C10orf67: variants seen among roughly 807,000 people sequenced by gnomAD.
C10orf67 encodes the protein uncharacterized protein C10orf67, mitochondrial.
In C10orf67, 60 loss-of-function variants were observed where a neutral mutation model predicts 35.6. The observed-to-expected ratio is 1.68, with a 90% CI of 1.37 to 2.09. C10orf67 has a LOEUF of 2.09. Among genes scored for constraint, C10orf67 ranks in the 30% most tolerant of loss-of-function variants. The pLI, the probability that C10orf67 is intolerant of heterozygous loss-of-function variation, is 0.00. For synonymous variants in C10orf67, 167 were observed against 115.8 expected (o/e 1.44, Z -2.84); for missense variants, 474 against 330.2 (o/e 1.44, Z -3.38).
Position 23,224,518 on chromosome 10 carries a change from G to C in C10orf67, c.1435-700C>G, listed in dbSNP as rs574960711. On this transcript the variant is annotated intron_variant, in intron 13 of 15. Transcript: ENST00000636213. ...AGCTCCTCGCCAGCAATGGAACAAA[G>C]CGGGACGGAGAATGACTTTGACGAG... 6.6e-5 allele frequency among the ~76,000 whole-genome samples: 10 copies of C among 152,350 alleles called. 1 individual carries two copies. Among genetic ancestry groups the C allele is most frequent in the African/African-American group, 2.4e-4 (10 of 41,582 alleles).
At chr10:23,281,297 G>A (rs922007054) in intron 8 of C10orf67, among the ~76,000 whole-genome samples, 1 of 152,206 alleles carries the variant, frequency 6.6e-6, no homozygotes, top group Non-Finnish European at 1.5e-5. Flanking sequence ...GTAAAAAAGC[G>A]AATGTTTCAA....
intron 6 of C10orf67, among the ~76,000 whole-genome samples, chr10:23,290,471 A>T (rs911316337): frequency 6.6e-6 from 1 of 152,244 alleles, no homozygotes; most frequent in Admixed American, 6.5e-5. Flanking sequence ...TAAGGACAAC[A>T]TCATGTAATT....
chr10:23,282,638 C>T (rs1843401819), intron 7 of C10orf67, among the ~76,000 whole-genome samples: 2 of 152,032 alleles, frequency 1.3e-5, no homozygotes, highest in Non-Finnish European at 2.9e-5. Flanking sequence ...CAAGACCAGC[C>T]TGACCCACAT....
At chr10:23,213,488 C>T (rs72802160) in intron 15 of C10orf67, among the ~76,000 whole-genome samples, 1 of 151,870 alleles carries the variant, frequency 6.6e-6, no homozygotes, top group Non-Finnish European at 1.5e-5. Flanking sequence ...AGAGGCTCAA[C>T]GGTGGTGATA....
intron 5 of C10orf67, among the ~76,000 whole-genome samples, chr10:23,291,688 G>A (rs1843724237): frequency 6.6e-6 from 1 of 152,196 alleles, no homozygotes; most frequent in Non-Finnish European, 1.5e-5. Context: ...GGGTGGCAGA[G>A]TGCATGGCTA....
At chr10:23,273,879 T>C (rs1412818039) in intron 8 of C10orf67, among the ~76,000 whole-genome samples, 1 of 152,252 alleles carries the variant, frequency 6.6e-6, no homozygotes, top group African/African-American at 2.4e-5. Flanking sequence ...GTTTTTACTC[T>C]GTATTGTTTC....
chr10:23,231,556 A>G (rs1588596493), intron 13 of C10orf67, among the ~76,000 whole-genome samples: 1 of 152,098 alleles, frequency 6.6e-6, no homozygotes, highest in African/African-American at 2.4e-5. Context: ...CCTTCCATCT[A>G]TTTAAGTCAG....
intron 8 of C10orf67, among the ~76,000 whole-genome samples, chr10:23,280,921 T>C (rs1843346336): frequency 6.6e-6 from 1 of 152,130 alleles, no homozygotes; most frequent in Admixed American, 6.5e-5. Context: ...TGTGCACATA[T>C]ATTTAGTTGT....
At chr10:23,232,233 C>T (rs1343548433) in intron 13 of C10orf67, among the ~76,000 whole-genome samples, 2 of 152,080 alleles carry the variant, frequency 1.3e-5, no homozygotes, top group African/African-American at 4.8e-5. Context: ...TACAAAAAAA[C>T]ATGAAACAAC....
At chr10:23,258,227 C>T (rs147101256) in intron 10 of C10orf67, 12 of 164,324 alleles carry the variant, frequency 7.3e-5, no homozygotes, top group African/African-American at 2.8e-4. Flanking sequence ...CCATCCCACA[C>T]CAATCTGGCT....
rs539952941 is a variant in C10orf67 at position 23,204,171 on chromosome 10, G to A, written c.*2C>T. ...GTCTGCGCAGCCCAGGCTTCTGCTGGGTTAATCAACAGTCTCTGCGGGGCT... is the reference window on the plus strand; with the variant it reads ...GTCTGCGCAGCCCAGGCTTCTGCTGAGTTAATCAACAGTCTCTGCGGGGCT... On this transcript the variant is annotated 3_prime_UTR_variant, in exon 16 of 16. Coordinates refer to ENST00000636213, the MANE Select transcript of C10orf67 (RefSeq NM_001371909.1). 117 of 602,720 alleles carry A rather than the reference G, an allele frequency of 1.9e-4. 3 individuals are homozygous for A. In the South Asian group the frequency reaches 2.3e-3, roughly 12 times the overall value. 37.3% of individuals were successfully genotyped at this position (602,720 alleles called of 1,614,324 possible). A position where few individuals can be genotyped will look rare whatever the true frequency, so the allele number is the denominator to read the frequency against.
At chr10:23,242,924 G>A (rs1842220567) in intron 12 of C10orf67, among the ~76,000 whole-genome samples, 1 of 151,888 alleles carries the variant, frequency 6.6e-6, no homozygotes, top group Non-Finnish European at 1.5e-5. Flanking sequence ...AATAAAGTAT[G>A]ACAATTAAAT....
In C10orf67 at chr10:23,330,608, C is replaced by G. The variant is rs1439061960; in HGVS notation, c.327+2454G>C. Among the ~76,000 whole-genome samples, 5 of 152,086 alleles carry G rather than the reference C, an allele frequency of 3.3e-5. No individual in the cohort carries two copies. In the East Asian group the frequency reaches 9.7e-4, roughly 29 times the overall value. On this transcript the variant is annotated intron_variant, in intron 2 of 15. Coordinates refer to ENST00000636213, the MANE Select transcript of C10orf67 (RefSeq NM_001371909.1). ...ATAAAAAATTAGCCGGGCGTGGTGGCCGGCGCCTGTAGTCCCAGCTACTCG... is the reference window on the plus strand; with the variant it reads ...ATAAAAAATTAGCCGGGCGTGGTGGGCGGCGCCTGTAGTCCCAGCTACTCG...
intron 7 of C10orf67, among the ~76,000 whole-genome samples, chr10:23,283,663 C>T (rs1440385470): frequency 2.0e-5 from 3 of 152,158 alleles, no homozygotes; most frequent in Non-Finnish European, 4.4e-5. Context: ...AACCACACGC[C>T]CTTTGCTATA....
intron 10 of C10orf67, among the ~76,000 whole-genome samples, chr10:23,259,059 G>A (rs1255157151): frequency 6.6e-6 from 1 of 152,136 alleles, no homozygotes; most frequent in African/African-American, 2.4e-5. Flanking sequence ...AAAATCAAAT[G>A]TCAGTGAGAG....
intron 1 of C10orf67, among the ~76,000 whole-genome samples, chr10:23,339,471 C>T (rs1242433585): frequency 6.7e-6 from 1 of 148,212 alleles, no homozygotes; most frequent in Non-Finnish European, 1.5e-5. Flanking sequence ...ACATTTGGAT[C>T]TCGCAGCTAG....
At chr10:23,337,059 A>C (rs749923948) in intron 1 of C10orf67, among the ~76,000 whole-genome samples, 9 of 152,230 alleles carry the variant, frequency 5.9e-5, no homozygotes, top group Non-Finnish European at 1.2e-4. Flanking sequence ...TTAAGCATCA[A>C]AATAAATAAT....
intron 1 of C10orf67, among the ~76,000 whole-genome samples, chr10:23,335,612 A>G (rs1845650883): frequency 6.6e-6 from 1 of 152,184 alleles, no homozygotes; most frequent in Non-Finnish European, 1.5e-5. Flanking sequence ...ATTTGGAAAA[A>G]ACTATTAAAG....
chr10:23,341,355 C>A (rs930336190), intron 1 of C10orf67, among the ~76,000 whole-genome samples: 1 of 152,176 alleles, frequency 6.6e-6, no homozygotes, highest in Non-Finnish European at 1.5e-5. Flanking sequence ...ATCTCATTAT[C>A]CTCCCCATCC....
Sources: allele counts gnomAD v4.1 joint callset (sites outside exome capture counted in the v4.1 genomes callset), GRCh38; gene constraint gnomAD v4.1.1; transcripts MANE v1.5; gene names NCBI Gene and HGNC (gene_info 2026-07-23, HGNC 2026-07-21).